The following FCHO2 variants were observed in gnomAD, a reference collection of about 807,000 sequenced individuals.
FCHO2 encodes the protein FCH and mu domain containing endocytic adaptor 2.
In FCHO2, 43 loss-of-function variants were observed where a neutral mutation model predicts 114.1. The observed-to-expected ratio is 0.38, with a 90% CI of 0.30 to 0.49. The LOEUF is 0.49. Ranked by LOEUF, FCHO2 falls within the 20% of genes least tolerant of loss-of-function variation. The probability of loss-of-function intolerance (pLI) is 0.97; values close to 1 mark genes in which losing one functional copy is unlikely to be tolerated. For synonymous variants in FCHO2, 293 were observed against 315.2 expected (o/e 0.93, Z 0.75); for missense variants, 807 against 950.4 (o/e 0.85, Z 1.98).
At chr5:73,044,710 T>G (rs189829548) in intron 11 of FCHO2, among the ~76,000 whole-genome samples, 58 of 152,268 alleles carry the variant, frequency 3.8e-4, no homozygotes, top group Non-Finnish European at 3.4e-4. Flanking sequence ...TTTTTTGGTT[T>G]TGGCCTATGT....
intron 10 of FCHO2, chr5:73,038,105 G>T (rs1449697301): frequency 1.9e-5 from 3 of 154,102 alleles, no homozygotes; most frequent in African/African-American, 4.8e-5. Context: ...CAAAGAATAT[G>T]TAATAAACAT....
At chr5:72,982,826 A>ATTTTTT (rs36075860) in intron 2 of FCHO2, among the ~76,000 whole-genome samples, 4 of 108,174 alleles carry the variant, frequency 3.7e-5, no homozygotes, top group Non-Finnish European at 4.0e-5. Context: ...GTCTGGATTC[A>ATTTTTT]TTTTTTTTTT....
chr5:73,034,415 A>G (rs1756389397), intron 8 of FCHO2: 2 of 351,866 alleles, frequency 5.7e-6, no homozygotes, highest in Admixed American at 9.7e-5. Flanking sequence ...ATTGGTTTTC[A>G]GTAAATTATT....
chr5:73,050,785 G>C (rs1580168486), intron 11 of FCHO2, among the ~76,000 whole-genome samples: 2 of 151,720 alleles, frequency 1.3e-5, no homozygotes, highest in Admixed American at 6.6e-5. Flanking sequence ...AGTTTTTTTT[G>C]GTCTTGTTTT....
chr5:73,002,078 C>T lies in FCHO2; in HGVS notation c.496-4367C>T, dbSNP rs1345303947. Among the ~76,000 whole-genome samples the T allele has an allele frequency of 5.9e-5, 9 of 152,160 alleles. No individual in the cohort carries two copies. The South Asian group carries it at 1.2e-3, about 21-fold the overall frequency. The stretch of plus-strand genomic sequence containing the variant: ...ATTTTGATTTAGATCCAGCCGTTAA[C>T]CTTTGAGATAAAGATAATAGTTTTA... On this transcript the variant is annotated intron_variant, in intron 5 of 25. Coordinates refer to ENST00000430046, the MANE Select transcript of FCHO2 (RefSeq NM_138782.3).
At chr5:73,029,311 A>G (rs1029764704) in intron 8 of FCHO2, among the ~76,000 whole-genome samples, 7 of 152,218 alleles carry the variant, frequency 4.6e-5, no homozygotes, top group African/African-American at 1.7e-4. Flanking sequence ...GGGCTTTATC[A>G]GGATCATGGA....
At chr5:73,080,769 C>T (rs1454651987) in intron 22 of FCHO2, among the ~76,000 whole-genome samples, 2 of 152,042 alleles carry the variant, frequency 1.3e-5, no homozygotes, top group African/African-American at 4.8e-5. Flanking sequence ...GTGTATTATT[C>T]AGTGCATGTA....
chr5:73,004,989 T>C (rs886275108), intron 5 of FCHO2, among the ~76,000 whole-genome samples: 1 of 152,144 alleles, frequency 6.6e-6, no homozygotes, highest in Non-Finnish European at 1.5e-5. Context: ...GTATTCCCCA[T>C]GGATAAAGGG....
intron 5 of FCHO2, among the ~76,000 whole-genome samples, chr5:73,002,893 C>T (rs1226328857): frequency 6.6e-6 from 1 of 152,126 alleles, no homozygotes; most frequent in Non-Finnish European, 1.5e-5. Flanking sequence ...ATTTTGTACA[C>T]AGTCTATAAA....
intron 24 of FCHO2, among the ~76,000 whole-genome samples, chr5:73,085,310 C>T (rs1408331154): frequency 6.6e-6 from 1 of 152,084 alleles, no homozygotes; most frequent in Non-Finnish European, 1.5e-5. Flanking sequence ...CATCGCACCA[C>T]TGCCCTCCAG....
At chr5:72,993,785 A>G (rs1236224195) in intron 5 of FCHO2, among the ~76,000 whole-genome samples, 1 of 152,208 alleles carries the variant, frequency 6.6e-6, no homozygotes, top group Non-Finnish European at 1.5e-5. Context: ...TCTTTTAGTG[A>G]TACCTTTTGG....
intron 24 of FCHO2, among the ~76,000 whole-genome samples, chr5:73,083,807 A>C (rs1743202192): frequency 6.7e-6 from 1 of 150,076 alleles, no homozygotes; most frequent in East Asian, 2.0e-4. Flanking sequence ...CATGAGAATC[A>C]CTTGAACCCA....
chr5:73,007,725 G>A (rs948955918), intron 6 of FCHO2, among the ~76,000 whole-genome samples: 1 of 152,142 alleles, frequency 6.6e-6, no homozygotes, highest in African/African-American at 2.4e-5. Flanking sequence ...AAATATCTCC[G>A]TGCTTGAGAT....
intron 5 of FCHO2, among the ~76,000 whole-genome samples, chr5:72,998,144 T>C (rs1754227427): frequency 1.3e-5 from 2 of 151,946 alleles, no homozygotes; most frequent in African/African-American, 2.4e-5. Context: ...GTGATGAGAA[T>C]GTAAGGGGAA....
intron 2 of FCHO2, among the ~76,000 whole-genome samples, chr5:72,981,509 A>C (rs896042247): frequency 6.6e-6 from 1 of 152,172 alleles, no homozygotes; most frequent in East Asian, 1.9e-4. Flanking sequence ...AGGTTGGGGA[A>C]GTTCTCCTGG....
At chr5:72,982,938 G>A (rs1201546952) in intron 2 of FCHO2, among the ~76,000 whole-genome samples, 1 of 141,982 alleles carries the variant, frequency 7.0e-6, no homozygotes, top group Non-Finnish European at 1.5e-5. Flanking sequence ...TTTTCAGACA[G>A]AGTATCTCTC....
intron 2 of FCHO2, among the ~76,000 whole-genome samples, chr5:72,975,819 T>G (rs924000144): frequency 6.6e-6 from 1 of 152,158 alleles, no homozygotes; most frequent in African/African-American, 2.4e-5. Context: ...TCATTTCATT[T>G]TAGTGCTGAA....
At position 73,090,321 on chromosome 5, in the gene FCHO2, G is replaced by C. The variant is rs772242776; in HGVS notation, c.*2231G>C. 29 of 152,480 alleles carry C rather than the reference G, an allele frequency of 1.9e-4. No homozygotes were observed. The highest frequency in any genetic ancestry group is 7.0e-4 in the African/African-American group (29 of 41,422). The allele number at this position is 152,480 out of a possible 1,614,324, so 9.4% of individuals were successfully genotyped here. ...TTGCTTATATATAGTGATAAACTTT[G>C]TAGCTGCCTCTTTAACCAAGAATTT... is the stretch of plus-strand genomic sequence containing the variant. On this transcript the variant is annotated 3_prime_UTR_variant, in exon 26 of 26. Transcript: ENST00000430046.
chr5:73,068,390 C>G (rs1742467535), intron 18 of FCHO2, among the ~76,000 whole-genome samples: 1 of 152,026 alleles, frequency 6.6e-6, no homozygotes, highest in Non-Finnish European at 1.5e-5. Context: ...TTCTGAGAAT[C>G]TGTCTTAAAC....
Sources: allele counts gnomAD v4.1 joint callset (sites outside exome capture counted in the v4.1 genomes callset), GRCh38; gene constraint gnomAD v4.1.1; transcripts MANE v1.5; gene names NCBI Gene and HGNC (gene_info 2026-07-23, HGNC 2026-07-21).